The following ANKRD17 variants were observed in gnomAD, a reference collection of about 807,000 sequenced individuals.
The protein encoded by ANKRD17 is ankyrin repeat domain-containing protein 17.
Under a neutral mutation model 229.7 loss-of-function variants are expected in ANKRD17, and 19 were observed. The ratio of observed to expected loss-of-function variants is 0.08; its 90% CI spans 0.06 to 0.12. ANKRD17 has a LOEUF of 0.12. Among genes scored for constraint, ANKRD17 ranks in the 10% least tolerant of loss-of-function variants. The pLI, the probability that ANKRD17 is intolerant of heterozygous loss-of-function variation, is 1.00. For synonymous variants in ANKRD17, 1,112 were observed against 1,146.1 expected (o/e 0.97, Z 0.60); for missense variants, 2,176 against 3,176.8 (o/e 0.68, Z 7.57).
rs1482738886 is a variant in ANKRD17, at chr4:73,177,401, C to T, written c.526G>A (p.Glu176Lys). 6.2e-7 allele frequency: 1 copy of T among 1,610,202 alleles called. No homozygotes were observed. Among genetic ancestry groups the T allele is most frequent in the Non-Finnish European group, 8.5e-7 (1 of 1,177,468 alleles). ...ATACCTGCAGCTTCTAGTAAAGCTT[C>T]CAGTCTAGCCTGTGTTTCTGGATCT... ...TVDPETQARL[E>K]ALLEAAGIGK... Residue 176 changes from glutamate (E) to lysine (K), a missense_variant, in exon 2 of 34, where the codon GAA becomes AAA. Glu to Lys is a moderately conservative substitution (Grantham distance 56). Coordinates refer to ENST00000358602, the MANE Select transcript of ANKRD17 (RefSeq NM_032217.5).
intron 33 of ANKRD17, 133 bp downstream of exon 33, chr4:73,076,807 G>A: frequency 9.1e-7 from 1 of 1,097,148 alleles, no homozygotes; most frequent in Non-Finnish European, 1.3e-6. Flanking sequence ...CTGCTATATT[G>A]CAGCTATATT....
intron 26 of ANKRD17, 127 bp downstream of exon 26, chr4:73,097,946 T>C: frequency 1.3e-6 from 1 of 754,310 alleles, no homozygotes; most frequent in East Asian, 2.7e-5. Flanking sequence ...ATTGAAACAG[T>C]ACCTTCTTTA....
intron 32 of ANKRD17, 70 bp downstream of exon 32, chr4:73,077,285 G>A: frequency 6.9e-7 from 1 of 1,439,488 alleles, no homozygotes; most frequent in Non-Finnish European, 9.4e-7. Context: ...TTATACATAT[G>A]CCTACTATAT....
intron 1 of ANKRD17, among the ~76,000 whole-genome samples, chr4:73,198,847 G>A (rs1184534057): frequency 6.6e-6 from 1 of 152,082 alleles, no homozygotes; most frequent in Non-Finnish European, 1.5e-5. Flanking sequence ...TAAATTAGAT[G>A]AGCCCAAACA....
intron 2 of ANKRD17, among the ~76,000 whole-genome samples, chr4:73,164,354 A>G (rs948938048): frequency 1.3e-5 from 2 of 152,264 alleles, no homozygotes; most frequent in African/African-American, 4.8e-5. Flanking sequence ...AACTATTTTA[A>G]TAAATGTAAC....
chr4:73,084,662 TGGTCTTGAACTCCTGACCTCA>T, intron 30 of ANKRD17, among the ~76,000 whole-genome samples: 1 of 152,256 alleles, frequency 6.6e-6, no homozygotes, highest in South Asian at 2.1e-4. Flanking sequence ...TTGGCCGAGC[TGGTCTTGAACTCCTGACCTCA>T]GGTGATCCAC....
chr4:73,193,918 TGAA>T (rs1737483619), intron 1 of ANKRD17, among the ~76,000 whole-genome samples: 1 of 152,058 alleles, frequency 6.6e-6, no homozygotes. Context: ...GGTGACAGAG[TGAA>T]ACCTTGTCTC....
chr4:73,148,479 C>T (rs1578192740), intron 8 of ANKRD17, among the ~76,000 whole-genome samples: 1 of 152,074 alleles, frequency 6.6e-6, no homozygotes, highest in African/African-American at 2.4e-5. Context: ...GTAGGTATTC[C>T]GCCCCCAAAG....
Position 73,076,277 on chromosome 4 carries a change from G to A in ANKRD17, c.7766C>T (p.Pro2589Leu). The part of the protein sequence containing the change: ...NNGPQTVWTG[P>L]WAPHMNSVHM... Reference sequence around the variant, plus strand: ...CACACTGTTCATGTGAGGTGCCCAGGGTCCAGTCCACACCTATGAATATAG... The same window carrying A: ...CACACTGTTCATGTGAGGTGCCCAGAGTCCAGTCCACACCTATGAATATAG... Residue 2589 changes from proline (P) to leucine (L), a missense_variant, in exon 34 of 34, where the codon CCC becomes CTC. Coordinates refer to ENST00000358602, the MANE Select transcript of ANKRD17 (RefSeq NM_032217.5). The A allele has an allele frequency of 6.2e-7, 1 of 1,608,228 alleles. No homozygotes were observed. Among genetic ancestry groups the A allele is most frequent in the Non-Finnish European group, 8.5e-7 (1 of 1,177,344 alleles).
intron 2 of ANKRD17, 119 bp from the exon 3 acceptor site, chr4:73,161,467 C>T (rs536454513): frequency 3.1e-6 from 3 of 977,970 alleles, no homozygotes; most frequent in East Asian, 5.2e-5. Flanking sequence ...GTAGAGTAGA[C>T]ATATATATTG....
chr4:73,178,709 T>A (rs1735059264), intron 1 of ANKRD17, among the ~76,000 whole-genome samples: 1 of 152,164 alleles, frequency 6.6e-6, no homozygotes, highest in African/African-American at 2.4e-5. Flanking sequence ...GTCTATTTAC[T>A]GTGTTAAGAA....
rs2110073136 is a variant in ANKRD17 at position 73,074,924 on chromosome 4, C to A, written c.*1307G>T. On this transcript the variant is annotated 3_prime_UTR_variant, in exon 34 of 34. Transcript: ENST00000358602. ...TTCAAGTGGATGGAATATATAAATCCCACTGAGTAGTTTAGTGTGGCCTTG... is the reference window on the plus strand; with the variant it reads ...TTCAAGTGGATGGAATATATAAATCACACTGAGTAGTTTAGTGTGGCCTTG... 1 of 152,368 alleles carries A rather than the reference C, an allele frequency of 6.6e-6. No homozygotes were observed. Among genetic ancestry groups the A allele is most frequent in the East Asian group, 1.9e-4 (1 of 5,174 alleles). 9.4% of individuals were successfully genotyped at this position (152,368 alleles called of 1,614,324 possible).
chr4:73,093,617 G>T (rs1316694170), intron 28 of ANKRD17, among the ~76,000 whole-genome samples: 1 of 151,758 alleles, frequency 6.6e-6, no homozygotes, highest in African/African-American at 2.4e-5. Flanking sequence ...CAGGTGATCC[G>T]CCCGCCTCAG....
intron 27 of ANKRD17, among the ~76,000 whole-genome samples, chr4:73,095,069 G>A (rs1019000648): frequency 5.9e-5 from 9 of 152,024 alleles, no homozygotes; most frequent in African/African-American, 2.2e-4. Context: ...AGCTACTCAG[G>A]AGGCTGAGGC....
intron 6 of ANKRD17, among the ~76,000 whole-genome samples, chr4:73,153,310 A>T (rs1453861451): frequency 6.6e-6 from 1 of 151,894 alleles, no homozygotes; most frequent in African/African-American, 2.4e-5. Context: ...TTTTTTTAAT[A>T]AAAAACTTCC....
intron 1 of ANKRD17, among the ~76,000 whole-genome samples, chr4:73,207,233 A>G (rs1739587925): frequency 6.6e-6 from 1 of 152,182 alleles, no homozygotes; most frequent in Admixed American, 6.6e-5. Flanking sequence ...CATATTTCAA[A>G]TATCATGTTG....
chr4:73,211,501 A>T (rs1355737176), intron 1 of ANKRD17, among the ~76,000 whole-genome samples: 1 of 152,174 alleles, frequency 6.6e-6, no homozygotes, highest in Non-Finnish European at 1.5e-5. Context: ...GGAGATACAC[A>T]CTATCATCTC....
intron 29 of ANKRD17, among the ~76,000 whole-genome samples, chr4:73,088,462 A>T (rs1188265942): frequency 5.3e-5 from 8 of 152,254 alleles, no homozygotes; most frequent in South Asian, 4.1e-4. Flanking sequence ...CTTTTCAAAA[A>T]ATAGGAATTT....
chr4:73,188,563 C>A (rs979793120), intron 1 of ANKRD17, among the ~76,000 whole-genome samples: 21 of 151,714 alleles, frequency 1.4e-4, no homozygotes, highest in South Asian at 6.2e-4. Flanking sequence ...CCAGCCTGGG[C>A]GACAGAGTGA....
Sources: gnomAD v4.1 joint callset for allele counts (sites outside exome capture counted in the v4.1 genomes callset) on GRCh38, gnomAD v4.1.1 for gene constraint, MANE v1.5 for transcripts, NCBI Gene and HGNC (gene_info 2026-07-23, HGNC 2026-07-21) for gene names.